HIPK2: variants seen among roughly 807,000 people sequenced by gnomAD.
The protein encoded by HIPK2 is homeodomain interacting protein kinase 2, also known as homeodomain-interacting protein kinase 2.
A neutral mutation model predicts 113.7 loss-of-function variants in HIPK2; 27 were observed. That is an observed-to-expected ratio of 0.24 (90% CI 0.17 to 0.33). The LOEUF is 0.33. HIPK2 is among the 10% of genes least tolerant of loss of function. The pLI is 1.00. For missense variants in HIPK2, 1,257 were observed against 1,588.0 expected (o/e 0.79, Z 3.54); for synonymous variants, 631 against 642.2 (o/e 0.98, Z 0.26).
rs895366341 is a variant in HIPK2, at chr7:139,701,106, G to A, written c.1103+14826C>T. On this transcript the variant is annotated intron_variant, in intron 2 of 14. Transcript: ENST00000406875. ...GTCCTGTGGGGAGCCACGTGAATGCGTTTCTTGCAAGGGCAGCCCCGATGG... is the reference window on the plus strand; with the variant it reads ...GTCCTGTGGGGAGCCACGTGAATGCATTTCTTGCAAGGGCAGCCCCGATGG... Among the ~76,000 whole-genome samples the A allele has an allele frequency of 2.6e-5, 4 of 152,204 alleles. No individual in the cohort carries two copies. The South Asian group carries it at 6.2e-4, about 24-fold the overall frequency.
chr7:139,563,904 GA>G lies in HIPK2; in HGVS notation c.*9022del. The G allele has an allele frequency of 2.5e-6, 1 of 398,648 alleles. No homozygotes were observed. The highest frequency in any genetic ancestry group is 4.4e-6 in the Non-Finnish European group (1 of 226,068). The allele number at this position is 398,648 out of a possible 1,614,324, so 24.7% of individuals were successfully genotyped here. On this transcript the variant is annotated 3_prime_UTR_variant, in exon 15 of 15. Coordinates refer to ENST00000406875, the MANE Select transcript of HIPK2 (RefSeq NM_022740.5). ...TCTGCAGTTTGGTGGTGGCACAAGAGAAAACATAAAAGAAACCAAGACTCAG... is the reference window on the plus strand; with the variant it reads ...TCTGCAGTTTGGTGGTGGCACAAGAGAAACATAAAAGAAACCAAGACTCAG...
At chr7:139,674,838 G>A (rs1422792161) in intron 2 of HIPK2, among the ~76,000 whole-genome samples, 2 of 152,118 alleles carry the variant, frequency 1.3e-5, no homozygotes, top group African/African-American at 2.4e-5. Flanking sequence ...TAGCGCTTAC[G>A]ATGAAGATGT....
At chr7:139,698,021 C>T (rs1277902369) in intron 2 of HIPK2, among the ~76,000 whole-genome samples, 2 of 152,106 alleles carry the variant, frequency 1.3e-5, no homozygotes, top group Non-Finnish European at 2.9e-5. Context: ...CGCCACCACG[C>T]CTGGCTAGTT....
intron 1 of HIPK2, among the ~76,000 whole-genome samples, chr7:139,741,308 G>A (rs763369432): frequency 6.6e-6 from 1 of 151,972 alleles, no homozygotes; most frequent in African/African-American, 2.4e-5. Context: ...GGAGACACTC[G>A]GTTTCATCTT....
chr7:139,763,265 C>T (rs919286009), intron 1 of HIPK2, among the ~76,000 whole-genome samples: 7 of 152,104 alleles, frequency 4.6e-5, no homozygotes, highest in African/African-American at 1.4e-4. Flanking sequence ...ATCTGAAGTA[C>T]GGCAGTGACA....
In HIPK2 at chr7:139,725,393, T is replaced by C. The variant is rs1795544993; in HGVS notation, c.20-8378A>G. ...CAGTCCATCAGGAGAGTGAGACTCA[T>C]GGCGGGAGCGGCCAGCACTGCGGTC... On this transcript the variant is annotated intron_variant, in intron 1 of 14. Coordinates refer to ENST00000406875, the MANE Select transcript of HIPK2 (RefSeq NM_022740.5). Among the ~76,000 whole-genome samples, 6 of 152,226 alleles carry C rather than the reference T, an allele frequency of 3.9e-5. No individual in the cohort carries two copies. In the South Asian group the frequency reaches 1.2e-3, roughly 32 times the overall value.
At chr7:139,640,209 G>A (rs1162997226) in intron 2 of HIPK2, among the ~76,000 whole-genome samples, 3 of 152,206 alleles carry the variant, frequency 2.0e-5, no homozygotes, top group African/African-American at 7.2e-5. Flanking sequence ...CTCATAGGAA[G>A]ACACTGAAAA....
At chr7:139,609,819 T>A (rs902397646) in intron 9 of HIPK2, among the ~76,000 whole-genome samples, 5 of 152,200 alleles carry the variant, frequency 3.3e-5, no homozygotes, top group Admixed American at 6.5e-5. Context: ...AGGGCAGGAT[T>A]TTTTTCACTT....
chr7:139,594,285 C>T (rs1018600720), intron 12 of HIPK2, among the ~76,000 whole-genome samples: 4 of 152,130 alleles, frequency 2.6e-5, no homozygotes, highest in South Asian at 2.1e-4. Context: ...GTATGTGTTT[C>T]GTCTTGTTTA....
At chr7:139,594,125 G>A (rs550581059) in intron 12 of HIPK2, among the ~76,000 whole-genome samples, 23 of 152,116 alleles carry the variant, frequency 1.5e-4, no homozygotes, top group African/African-American at 2.2e-4. Context: ...ATTTGCAACC[G>A]CACCTCCTCT....
chr7:139,678,723 T>C lies in HIPK2; in HGVS notation c.1103+37209A>G, dbSNP rs150110605. Among the ~76,000 whole-genome samples, 32 of 152,356 alleles carry C rather than the reference T, an allele frequency of 2.1e-4. No individual in the cohort carries two copies. The East Asian group carries it at 5.8e-3, about 28-fold the overall frequency. On this transcript the variant is annotated intron_variant, in intron 2 of 14. Transcript: ENST00000406875. ...AAAGTCAGTGGTAGCTTGATGGGGATAGCACTGAATCTATAAATTACTTTG... is the reference window on the plus strand; with the variant it reads ...AAAGTCAGTGGTAGCTTGATGGGGACAGCACTGAATCTATAAATTACTTTG...
intron 2 of HIPK2, among the ~76,000 whole-genome samples, chr7:139,661,023 T>A (rs893209192): frequency 2.6e-5 from 3 of 115,456 alleles, no homozygotes; most frequent in African/African-American, 1.0e-4. Flanking sequence ...TGGATAATAC[T>A]GGTGGTATGC....
At chr7:139,705,826 T>TAAAAAAAAAAAAAAAAAAAAAAAAAAA (rs1010543995) in intron 2 of HIPK2, among the ~76,000 whole-genome samples, 1 of 105,348 alleles carries the variant, frequency 9.5e-6, no homozygotes, top group Non-Finnish European at 2.0e-5. Context: ...AAAAGATTAG[T>TAAAAAAAAAAAAAAAAAAAAAAAAAAA]AAAAAAAAAA....
At chr7:139,701,287 C>T (rs914934301) in intron 2 of HIPK2, among the ~76,000 whole-genome samples, 3 of 152,180 alleles carry the variant, frequency 2.0e-5, no homozygotes, top group East Asian at 3.9e-4. Context: ...AAACAGATAG[C>T]GGGAGGAGAA....
At chr7:139,775,928 G>T (rs1337885134) in intron 1 of HIPK2, among the ~76,000 whole-genome samples, 1 of 152,194 alleles carries the variant, frequency 6.6e-6, no homozygotes, top group Non-Finnish European at 1.5e-5. Flanking sequence ...GTTTACTATA[G>T]TTCTGAATTC....
At chr7:139,717,551 G>A (rs1452206373) in intron 1 of HIPK2, among the ~76,000 whole-genome samples, 1 of 152,084 alleles carries the variant, frequency 6.6e-6, no homozygotes, top group African/African-American at 2.4e-5. Context: ...CTTTGTCATC[G>A]ATTCTGTAGG....
chr7:139,648,119 C>T (rs78068411), intron 2 of HIPK2, among the ~76,000 whole-genome samples: 13,611 of 152,288 alleles, frequency 0.089, 718 homozygotes, highest in Middle Eastern at 0.12. Context: ...AATTCCACCC[C>T]CAGTCTGAAA....
rs550806960 is a variant in HIPK2 at position 139,722,441 on chromosome 7, C to T, written c.20-5426G>A. On this transcript the variant is annotated intron_variant, in intron 1 of 14. Coordinates refer to ENST00000406875, the MANE Select transcript of HIPK2 (RefSeq NM_022740.5). Reference sequence around the variant, plus strand: ...CTTTTAGTTACTTTATTGAAATTCTCATTTTGCATTTATAAAAAGCATGTA... The same window carrying T: ...CTTTTAGTTACTTTATTGAAATTCTTATTTTGCATTTATAAAAAGCATGTA... Among the ~76,000 whole-genome samples, 3 of 152,296 alleles carry T rather than the reference C, an allele frequency of 2.0e-5. No individual in the cohort carries two copies. The East Asian group carries it at 5.8e-4, about 29-fold the overall frequency.
At chr7:139,763,571 G>A (rs974850987) in intron 1 of HIPK2, among the ~76,000 whole-genome samples, 1 of 148,816 alleles carries the variant, frequency 6.7e-6, no homozygotes, top group Non-Finnish European at 1.5e-5. Flanking sequence ...GAGACCAGAT[G>A]GCCTGCAAAG....
Sources: allele counts gnomAD v4.1 joint callset (sites outside exome capture counted in the v4.1 genomes callset), GRCh38; gene constraint gnomAD v4.1.1; transcripts MANE v1.5; gene names NCBI Gene and HGNC (gene_info 2026-07-23, HGNC 2026-07-21).